The following SLC44A5 variants were observed in gnomAD, a reference collection of about 807,000 sequenced individuals.
SLC44A5 encodes solute carrier family 44 member 5.
A neutral mutation model predicts 101.8 loss-of-function variants in SLC44A5; 57 were observed. That is an observed-to-expected ratio of 0.56 (90% CI 0.45 to 0.70). SLC44A5 has a LOEUF of 0.70. Among genes scored for constraint, SLC44A5 ranks in the 30% least tolerant of loss-of-function variants. The pLI is 0.00. For missense variants in SLC44A5, 737 were observed against 853.1 expected, an observed-to-expected ratio of 0.86 and a Z score of 1.70; for synonymous variants, 281 against 290.9, an observed-to-expected ratio of 0.97 and a Z score of 0.35.
In SLC44A5 at chr1:75,481,248, T is replaced by G. The variant is rs192382841; in HGVS notation, c.13+60187A>C. On this transcript the variant is annotated intron_variant, in intron 2 of 23. Transcript: ENST00000370859. ...CCCTTCCTTATGCCTTATACAAAAA[T>G]TAATTCAAGATGGATTAAAGACTTA... Among the ~76,000 whole-genome samples, 156 of 152,298 alleles carry G rather than the reference T, an allele frequency of 1.0e-3. 1 individual carries two copies. Among genetic ancestry groups the G allele is most frequent in the Middle Eastern group, 0.01 (3 of 294 alleles).
intron 1 of SLC44A5, among the ~76,000 whole-genome samples, chr1:75,602,811 T>C (rs1675057004): frequency 6.6e-6 from 1 of 152,154 alleles, no homozygotes; most frequent in Non-Finnish European, 1.5e-5. Flanking sequence ...TTTTACCTTT[T>C]TTGTTAAATT....
intron 4 of SLC44A5, among the ~76,000 whole-genome samples, chr1:75,316,650 C>T (rs577953434): frequency 6.6e-6 from 1 of 152,206 alleles, no homozygotes; most frequent in East Asian, 1.9e-4. Flanking sequence ...GGACTTCTTT[C>T]GAATTTGTTA....
intron 2 of SLC44A5, among the ~76,000 whole-genome samples, chr1:75,530,220 T>C (rs566823703): frequency 3.7e-4 from 56 of 152,262 alleles, no homozygotes; most frequent in African/African-American, 1.3e-3. Context: ...ATGAAAATTA[T>C]CTGGCTTACT....
At position 75,203,652 on chromosome 1, in the gene SLC44A5, A is replaced by G; in HGVS notation, c.*75T>C. The G allele has an allele frequency of 6.8e-7, 1 of 1,473,886 alleles. No individual in the cohort carries two copies. Among genetic ancestry groups the G allele is most frequent in the Non-Finnish European group, 9.0e-7 (1 of 1,110,806 alleles). 91.3% of individuals were successfully genotyped at this position (1,473,886 alleles called of 1,614,324 possible). A position where few individuals can be genotyped will look rare whatever the true frequency, so the allele number is the denominator to read the frequency against. On this transcript the variant is annotated 3_prime_UTR_variant, in exon 24 of 24. Coordinates refer to ENST00000370859, the MANE Select transcript of SLC44A5 (RefSeq NM_001130058.2). ...CAGTGTTGCTAAACACAAAGCACTT[A>G]TGAAACAAATGTTGCACAGACACAG...
intron 3 of SLC44A5, among the ~76,000 whole-genome samples, chr1:75,389,818 G>A (rs991421566): frequency 6.6e-6 from 1 of 151,898 alleles, no homozygotes; most frequent in African/African-American, 2.4e-5. Context: ...AAAATCAGAA[G>A]AGAACTAATT....
chr1:75,666,257 G>C, the SLC44A5 span, among the ~76,000 whole-genome samples: 1 of 151,876 alleles, frequency 6.6e-6, no homozygotes, highest in African/African-American at 2.4e-5. Flanking sequence ...AAAAAAATGT[G>C]GTATAAAAAA....
At position 75,363,715 on chromosome 1, in the gene SLC44A5, T is replaced by A. The variant is rs181284534; in HGVS notation, c.53-24085A>T. Among the ~76,000 whole-genome samples the A allele has an allele frequency of 2.0e-3, 302 of 152,344 alleles. 1 individual carries two copies. The highest frequency in any genetic ancestry group is 1.4e-3 in the Non-Finnish European group (98 of 68,018). ...ATAAAATTGCTTTCCACATCACCCTTACAATATCAGAATATTTGGAATATA... is the reference window on the plus strand; with the variant it reads ...ATAAAATTGCTTTCCACATCACCCTAACAATATCAGAATATTTGGAATATA... On this transcript the variant is annotated intron_variant, in intron 3 of 23. Transcript: ENST00000370859.
intron 2 of SLC44A5, among the ~76,000 whole-genome samples, chr1:75,475,969 G>C (rs895397507): frequency 6.6e-6 from 1 of 152,200 alleles, no homozygotes; most frequent in South Asian, 2.1e-4. Flanking sequence ...CGGATCATGA[G>C]GTCAGGAGTT....
chr1:75,345,386 A>AT (rs1014436621), intron 3 of SLC44A5, among the ~76,000 whole-genome samples: 2 of 152,026 alleles, frequency 1.3e-5, no homozygotes, highest in African/African-American at 2.4e-5. Context: ...CTAACCTTCC[A>AT]TTTTTTCATC....
chr1:75,498,793 G>A (rs1042379943), intron 2 of SLC44A5, among the ~76,000 whole-genome samples: 1 of 152,134 alleles, frequency 6.6e-6, no homozygotes, highest in African/African-American at 2.4e-5. Flanking sequence ...AGAACTCATA[G>A]ATCATAAGTA....
chr1:75,671,705 G>A, the SLC44A5 span, among the ~76,000 whole-genome samples: 1 of 152,210 alleles, frequency 6.6e-6, no homozygotes, highest in Non-Finnish European at 1.5e-5. Context: ...AGTGATGAGT[G>A]CAGTAGAAAG....
At chr1:75,338,864 T>A (rs1249726154) in intron 4 of SLC44A5, among the ~76,000 whole-genome samples, 1 of 152,158 alleles carries the variant, frequency 6.6e-6, no homozygotes, top group East Asian at 1.9e-4. Flanking sequence ...GACATACAAC[T>A]GACAGAAATC....
intron 6 of SLC44A5, among the ~76,000 whole-genome samples, chr1:75,271,497 T>TTTTTTTGTGTGTGTGTG (rs1553152601): frequency 1.4e-5 from 2 of 146,304 alleles, no homozygotes; most frequent in South Asian, 2.2e-4. Context: ...TCTGCATGTT[T>TTTTTTTGTGTGTGTGTG]TGTGTGTGTG....
At chr1:75,397,381 C>T (rs1199959767) in intron 2 of SLC44A5, among the ~76,000 whole-genome samples, 2 of 152,112 alleles carry the variant, frequency 1.3e-5, no homozygotes, top group African/African-American at 4.8e-5. Flanking sequence ...AAAAGAATTC[C>T]GTCTATAGAC....
intron 1 of SLC44A5, among the ~76,000 whole-genome samples, chr1:75,545,795 T>A (rs1671613034): frequency 6.6e-6 from 1 of 150,806 alleles, no homozygotes; most frequent in African/African-American, 2.4e-5. Context: ...TCTACATTTA[T>A]TAGTTAATTA....
chr1:75,559,235 G>T (rs898225873), intron 1 of SLC44A5, among the ~76,000 whole-genome samples: 1 of 151,838 alleles, frequency 6.6e-6, no homozygotes, highest in African/African-American at 2.4e-5. Flanking sequence ...TCAGTCAAGC[G>T]TAATAGGAAA....
At chr1:75,206,739 A>C (rs1646756347) in intron 23 of SLC44A5, 3 of 1,310,226 alleles carry the variant, frequency 2.3e-6, no homozygotes, top group Non-Finnish European at 3.3e-6. Flanking sequence ...CAGCAGCCAA[A>C]GCAGGCAAAA....
At chr1:75,410,356 T>C (rs115872645) in intron 2 of SLC44A5, among the ~76,000 whole-genome samples, 2,750 of 152,172 alleles carry the variant, frequency 0.018, 47 homozygotes, top group Non-Finnish European at 0.03. Context: ...ATAAGGCAAG[T>C]CATGGGTTCC....
chr1:75,308,406 C>A (rs1357787292), intron 4 of SLC44A5, among the ~76,000 whole-genome samples: 1 of 147,976 alleles, frequency 6.8e-6, no homozygotes, highest in Non-Finnish European at 1.5e-5. Flanking sequence ...TTTTTTTTTA[C>A]AAAGAGGAGT....
Sources: gnomAD v4.1 joint callset for allele counts (sites outside exome capture counted in the v4.1 genomes callset) on GRCh38, gnomAD v4.1.1 for gene constraint, MANE v1.5 for transcripts, NCBI Gene and HGNC (gene_info 2026-07-23, HGNC 2026-07-21) for gene names.